The following SLC7A7 variants were observed in gnomAD, a reference collection of about 807,000 sequenced individuals.
SLC7A7 encodes the protein Y+L amino acid transporter 1.
A neutral mutation model predicts 47.9 loss-of-function variants in SLC7A7; 39 were observed. The ratio of observed to expected loss-of-function variants is 0.81; its 90% CI spans 0.63 to 1.06. SLC7A7 has a LOEUF of 1.06. Among genes scored for constraint, SLC7A7 ranks in the 50% least tolerant of loss-of-function variants. SLC7A7 has a pLI of 0.00. For missense variants in SLC7A7, 588 were observed against 632.0 expected, an observed-to-expected ratio of 0.93 and a Z score of 0.75; for synonymous variants, 234 against 242.8, an observed-to-expected ratio of 0.96 and a Z score of 0.34.
At chr14:22,785,199 A>T (rs990709891) in intron 2 of SLC7A7, among the ~76,000 whole-genome samples, 13 of 151,970 alleles carry the variant, frequency 8.6e-5, no homozygotes, top group African/African-American at 2.9e-4. Context: ...AATCATTTGA[A>T]CCCGGGAGGC....
chr14:22,807,177 G>T (rs2039228110), intron 2 of SLC7A7, among the ~76,000 whole-genome samples: 1 of 152,148 alleles, frequency 6.6e-6, no homozygotes. Flanking sequence ...GGGATTACAG[G>T]CGTGAGCCAC....
chr14:22,797,997 T>C (rs1463876520), intron 2 of SLC7A7, among the ~76,000 whole-genome samples: 2 of 152,120 alleles, frequency 1.3e-5, no homozygotes, highest in Non-Finnish European at 2.9e-5. Context: ...CCCCATTTTA[T>C]AGAAGAGAGA....
chr14:22,790,146 T>C (rs777620638), intron 2 of SLC7A7, among the ~76,000 whole-genome samples: 3 of 151,830 alleles, frequency 2.0e-5, no homozygotes, highest in Non-Finnish European at 4.4e-5. Flanking sequence ...CTGGGCAACA[T>C]AGAGAAACCC....
chr14:22,808,749 G>A (rs1401770219), intron 2 of SLC7A7, among the ~76,000 whole-genome samples: 2 of 152,192 alleles, frequency 1.3e-5, no homozygotes, highest in Non-Finnish European at 2.9e-5. Context: ...ACCTTCTTTA[G>A]ATCTCTATGC....
At chr14:22,790,615 T>A (rs185074858) in intron 2 of SLC7A7, among the ~76,000 whole-genome samples, 80 of 152,160 alleles carry the variant, frequency 5.3e-4, no homozygotes, top group Non-Finnish European at 6.3e-4. Context: ...TTCTAGCAAA[T>A]CATCATTTTT....
At chr14:22,784,682 C>A (rs1466540629) in intron 2 of SLC7A7, among the ~76,000 whole-genome samples, 1 of 151,830 alleles carries the variant, frequency 6.6e-6, no homozygotes, top group African/African-American at 2.4e-5. Flanking sequence ...GATCATCAAA[C>A]CCAGCCTACA....
chr14:22,800,531 T>C (rs879331857), intron 2 of SLC7A7, among the ~76,000 whole-genome samples: 3 of 152,248 alleles, frequency 2.0e-5, no homozygotes, highest in Non-Finnish European at 4.4e-5. Flanking sequence ...ACACTCATTC[T>C]GGACGCTTTC....
rs2038579826 is a variant in SLC7A7 at position 22,775,370 on chromosome 14, A to C, written c.1095+74T>G. The C allele has an allele frequency of 3.4e-6, 4 of 1,171,234 alleles. No individual in the cohort carries two copies. The East Asian group carries it at 9.3e-5, about 27-fold the overall frequency. The allele number at this position is 1,171,234 out of a possible 1,614,324, so 72.6% of individuals were successfully genotyped here. A position where few individuals can be genotyped will look rare whatever the true frequency, so the allele number is the denominator to read the frequency against. ...AATCTTTCAGAGCTTTCAGGAAGCT[A>C]GAACAGTCGCTTCTGCTGTTACTAA... On this transcript the variant is annotated intron_variant, in intron 7 of 9. Transcript: ENST00000674313.
rs552331172 is a variant in SLC7A7 at position 22,773,926 on chromosome 14, G to A, written c.1429+7C>T. ...TAGCTGAGCGGACTTAAGGATGCAC[G>A]GCTTACCCACGATCCTTCGGAGGTA... On this transcript the variant is annotated splice_region_variant and intron_variant, in intron 9 of 9. Transcript: ENST00000674313. 40 of 1,613,854 alleles carry A rather than the reference G, an allele frequency of 2.5e-5. No individual in the cohort carries two copies. Among genetic ancestry groups the A allele is most frequent in the South Asian group, 1.4e-4 (13 of 91,066 alleles).
At chr14:22,812,794 T>TATATA (rs1372388510) in intron 2 of SLC7A7, 106 bp downstream of exon 2, 22 of 834,250 alleles carry the variant, frequency 2.6e-5, no homozygotes, top group Non-Finnish European at 3.2e-5. Context: ...TATATATATG[T>TATATA]TGTCAGAGAC....
At chr14:22,799,436 A>ATT (rs1172660584) in intron 2 of SLC7A7, among the ~76,000 whole-genome samples, 20 of 82,522 alleles carry the variant, frequency 2.4e-4, no homozygotes, top group African/African-American at 9.0e-4. Context: ...TTTTCTTTTT[A>ATT]TTTTTTTCTT....
intron 2 of SLC7A7, among the ~76,000 whole-genome samples, chr14:22,782,526 A>G (rs527547332): frequency 6.6e-6 from 1 of 150,622 alleles, no homozygotes; most frequent in African/African-American, 2.4e-5. Context: ...CAATGGCATG[A>G]TCTTGGCTCA....
chr14:22,778,664 C>G, intron 4 of SLC7A7, 129 bp downstream of exon 4: 1 of 943,878 alleles, frequency 1.1e-6, no homozygotes, highest in African/African-American at 1.6e-5. Flanking sequence ...AGCCTCAGGC[C>G]TCCCATCTAT....
upstream of SLC7A7, among the ~76,000 whole-genome samples, chr14:22,818,427 C>T (rs906573079): frequency 7.2e-5 from 11 of 152,138 alleles, no homozygotes; most frequent in South Asian, 4.1e-4. Context: ...GCACCCTGGA[C>T]AAGAAGGCAC....
chr14:22,812,773 CTATATATA>C (rs58930730), intron 2 of SLC7A7, 119 bp downstream of exon 2: 14 of 439,436 alleles, frequency 3.2e-5, no homozygotes, highest in South Asian at 5.1e-5. Context: ...CATACTTTAA[CTATATATA>C]TATATATATA....
At chr14:22,814,095 C>T (rs2039369948) in intron 1 of SLC7A7, among the ~76,000 whole-genome samples, 1 of 151,682 alleles carries the variant, frequency 6.6e-6, no homozygotes, top group South Asian at 2.1e-4. Flanking sequence ...CAGCCTCCAA[C>T]TTGAATTTTT....
chr14:22,797,043 A>G (rs2039032586), intron 2 of SLC7A7, among the ~76,000 whole-genome samples: 1 of 152,236 alleles, frequency 6.6e-6, no homozygotes. Context: ...CCAGGTCACT[A>G]TGTACTTACA....
chr14:22,787,271 A>G (rs1172255375), intron 2 of SLC7A7, among the ~76,000 whole-genome samples: 7 of 151,862 alleles, frequency 4.6e-5, no homozygotes, highest in Non-Finnish European at 1.0e-4. Flanking sequence ...CCCCGTCTCT[A>G]CTAAAAGAAC....
At chr14:22,775,379 G>T in intron 7 of SLC7A7, 65 bp downstream of exon 7, 2 of 1,242,970 alleles carry the variant, frequency 1.6e-6, no homozygotes, top group Middle Eastern at 1.9e-4. Flanking sequence ...TAGAACAGTC[G>T]CTTCTGCTGT....
Sources: gnomAD v4.1 joint callset for allele counts (sites outside exome capture counted in the v4.1 genomes callset) on GRCh38, gnomAD v4.1.1 for gene constraint, MANE v1.5 for transcripts, NCBI Gene and HGNC (gene_info 2026-07-23, HGNC 2026-07-21) for gene names.